The following ARHGAP24 variants were observed in gnomAD, a reference collection of about 807,000 sequenced individuals.
The protein encoded by ARHGAP24 is Rho GTPase activating protein 24.
In ARHGAP24, 50 loss-of-function variants were observed where a neutral mutation model predicts 76.4. That is an observed-to-expected ratio of 0.65 (90% CI 0.52 to 0.83). The LOEUF (loss-of-function observed/expected upper bound fraction) is 0.83. Ranked by LOEUF, ARHGAP24 falls within the 40% of genes least tolerant of loss-of-function variation. ARHGAP24 has a pLI of 0.00. For missense variants in ARHGAP24, 930 were observed against 914.2 expected, an observed-to-expected ratio of 1.02 and a Z score of -0.22; for synonymous variants, 345 against 323.3, an observed-to-expected ratio of 1.07 and a Z score of -0.72.
At chr4:85,546,502 G>T (rs773104352) in intron 1 of ARHGAP24, among the ~76,000 whole-genome samples, 4 of 152,118 alleles carry the variant, frequency 2.6e-5, no homozygotes, top group Non-Finnish European at 5.9e-5. Flanking sequence ...TCTGTTAAAA[G>T]ATCATTTCTA....
chr4:85,487,656 C>CATATTATATAAACATATATTTATT (rs1723147587), intron 1 of ARHGAP24, among the ~76,000 whole-genome samples: 1 of 98,426 alleles, frequency 1.0e-5, no homozygotes, highest in Non-Finnish European at 1.8e-5. Flanking sequence ...ATATTTATTA[C>CATATTATATAAACATATATTTATT]ATATTATATA....
intron 2 of ARHGAP24, among the ~76,000 whole-genome samples, chr4:85,694,566 G>T (rs951169100): frequency 6.6e-6 from 1 of 151,920 alleles, no homozygotes; most frequent in African/African-American, 2.4e-5. Context: ...ATCTCTAAAT[G>T]ACTAGAAAAT....
chr4:85,735,914 A>G (rs1725587179), intron 3 of ARHGAP24, among the ~76,000 whole-genome samples: 1 of 152,186 alleles, frequency 6.6e-6, no homozygotes, highest in African/African-American at 2.4e-5. Flanking sequence ...AAAAAAATCT[A>G]TCACCGTCTA....
intron 2 of ARHGAP24, among the ~76,000 whole-genome samples, chr4:85,620,759 T>C (rs929595686): frequency 1.6e-4 from 24 of 151,998 alleles, no homozygotes; most frequent in African/African-American, 5.1e-4. Context: ...TTTGAGATGT[T>C]TCTTCTTTTT....
intron 2 of ARHGAP24, among the ~76,000 whole-genome samples, chr4:85,665,092 C>A (rs1174625534): frequency 1.0e-3 from 158 of 152,058 alleles, no homozygotes; most frequent in African/African-American, 3.6e-3. Flanking sequence ...TCTCGTTTTT[C>A]TGTCTAATGT....
chr4:85,883,052 GTCAAGCAAA>G (rs762692584), intron 3 of ARHGAP24, among the ~76,000 whole-genome samples: 2 of 152,150 alleles, frequency 1.3e-5, no homozygotes, highest in Non-Finnish European at 2.9e-5. Flanking sequence ...AGTGGTGTGG[GTCAAGCAAA>G]TCAGCAGGGA....
At chr4:85,516,039 G>A (rs1039550583) in intron 1 of ARHGAP24, among the ~76,000 whole-genome samples, 2 of 152,110 alleles carry the variant, frequency 1.3e-5, no homozygotes, top group Admixed American at 6.5e-5. Context: ...AAAATTCCCA[G>A]CCAGGGCCAT....
chr4:85,787,202 GA>G (rs1249648939), intron 3 of ARHGAP24, among the ~76,000 whole-genome samples: 1 of 152,210 alleles, frequency 6.6e-6, no homozygotes, highest in East Asian at 1.9e-4. Context: ...ACACTAACAA[GA>G]GGATATGAGC....
At chr4:85,955,225 GC>G (rs1296111522) in intron 5 of ARHGAP24, among the ~76,000 whole-genome samples, 1 of 149,074 alleles carries the variant, frequency 6.7e-6, no homozygotes, top group Non-Finnish European at 1.5e-5. Context: ...TGCTCCCCCC[GC>G]CTACCCCCCA....
intron 3 of ARHGAP24, among the ~76,000 whole-genome samples, chr4:85,827,070 C>A (rs1464800813): frequency 6.6e-6 from 1 of 152,086 alleles, no homozygotes; most frequent in East Asian, 1.9e-4. Flanking sequence ...TATATACATT[C>A]AGAGTGATTA....
chr4:85,529,156 G>A (rs549479868), intron 1 of ARHGAP24, among the ~76,000 whole-genome samples: 90 of 152,008 alleles, frequency 5.9e-4, no homozygotes, highest in African/African-American at 1.6e-3. Context: ...TAATTTTTTT[G>A]TTGTCATCAA....
chr4:85,873,127 G>A (rs1732637894), intron 3 of ARHGAP24, among the ~76,000 whole-genome samples: 1 of 152,098 alleles, frequency 6.6e-6, no homozygotes, highest in Non-Finnish European at 1.5e-5. Flanking sequence ...GGCAGCATGA[G>A]GGAGTCCAGA....
intron 3 of ARHGAP24, among the ~76,000 whole-genome samples, chr4:85,863,070 C>T (rs900124231): frequency 6.6e-6 from 1 of 152,130 alleles, no homozygotes; most frequent in Admixed American, 6.6e-5. Flanking sequence ...ATAGAAGTAG[C>T]ATGACATCTA....
chr4:85,529,741 G>C (rs1725176837), intron 1 of ARHGAP24, among the ~76,000 whole-genome samples: 1 of 151,762 alleles, frequency 6.6e-6, no homozygotes, highest in Non-Finnish European at 1.5e-5. Flanking sequence ...ACTCCTAATT[G>C]AACCATTATT....
At chr4:85,754,394 G>A (rs1726393533) in intron 3 of ARHGAP24, among the ~76,000 whole-genome samples, 1 of 152,208 alleles carries the variant, frequency 6.6e-6, no homozygotes, top group Non-Finnish European at 1.5e-5. Context: ...AAACATGGAA[G>A]TGCAGATGTC....
At chr4:85,543,684 T>C (rs1725797190) in intron 1 of ARHGAP24, among the ~76,000 whole-genome samples, 1 of 152,236 alleles carries the variant, frequency 6.6e-6, no homozygotes, top group South Asian at 2.1e-4. Flanking sequence ...TGGCTACTTG[T>C]TTATGTTATG....
At chr4:85,798,049 T>C (rs113944283) in intron 3 of ARHGAP24, among the ~76,000 whole-genome samples, 160 of 108,916 alleles carry the variant, frequency 1.5e-3, no homozygotes, top group African/African-American at 4.9e-3. Context: ...CTTAGTCAAA[T>C]CCCTTGAGTT....
chr4:85,505,239 CT>C (rs1723997974), intron 1 of ARHGAP24, among the ~76,000 whole-genome samples: 1 of 152,106 alleles, frequency 6.6e-6, no homozygotes, highest in Non-Finnish European at 1.5e-5. Flanking sequence ...GTGGTGTTCT[CT>C]GTATTTCCTG....
At chr4:85,516,303 A>G (rs1724498006) in intron 1 of ARHGAP24, among the ~76,000 whole-genome samples, 1 of 152,202 alleles carries the variant, frequency 6.6e-6, no homozygotes, top group Non-Finnish European at 1.5e-5. Context: ...AATTGTGTAA[A>G]TAATTATCTT....
Sources: allele counts gnomAD v4.1 joint callset (sites outside exome capture counted in the v4.1 genomes callset), GRCh38; gene constraint gnomAD v4.1.1; transcripts MANE v1.5; gene names NCBI Gene and HGNC (gene_info 2026-07-23, HGNC 2026-07-21).